PCDHA10: variants seen among roughly 807,000 people sequenced by gnomAD.
PCDHA10 encodes protocadherin alpha 10, also known as protocadherin alpha-10.
In PCDHA10, 45 loss-of-function variants were observed where a neutral mutation model predicts 61.2. That is an observed-to-expected ratio of 0.74 (90% CI 0.58 to 0.94). The LOEUF (loss-of-function observed/expected upper bound fraction) is 0.94. Ranked by LOEUF, PCDHA10 falls within the 40% of genes least tolerant of loss-of-function variation. PCDHA10 has a pLI of 0.00. For missense variants in PCDHA10, 1,278 were observed against 1,236.2 expected (o/e 1.03, Z -0.51); for synonymous variants, 602 against 548.8 (o/e 1.10, Z -1.35).
chr5:140,861,396 C>T, intron 1 of PCDHA10: 1 of 455,520 alleles, frequency 2.2e-6, no homozygotes, highest in Non-Finnish European at 4.5e-6. Context: ...GGGTCTGGAG[C>T]TTGTGGAGCT....
chr5:140,870,386 A>G (rs1209102528), intron 1 of PCDHA10: 1 of 1,614,082 alleles, frequency 6.2e-7, no homozygotes, highest in Middle Eastern at 1.6e-4. Flanking sequence ...ACTGCGCGGG[A>G]TGGGGGTTCG....
intron 1 of PCDHA10, among the ~76,000 whole-genome samples, chr5:140,965,644 G>A (rs201197561): frequency 6.6e-6 from 1 of 152,028 alleles, no homozygotes; most frequent in African/African-American, 2.4e-5. Flanking sequence ...AATTACTCTT[G>A]AAAGAAAATG....
intron 1 of PCDHA10, chr5:140,869,166 C>A: frequency 6.2e-7 from 1 of 1,613,866 alleles, no homozygotes; most frequent in South Asian, 1.1e-5. Context: ...TTCTCCTCCT[C>A]GAATTCTGGG....
intron 1 of PCDHA10, among the ~76,000 whole-genome samples, chr5:140,943,845 C>T (rs59104695): frequency 0.056 from 8,479 of 152,194 alleles, 700 homozygotes; most frequent in African/African-American, 0.18. Flanking sequence ...TGTAAGATGT[C>T]ACAGAAGTCA....
intron 3 of PCDHA10, among the ~76,000 whole-genome samples, chr5:141,006,808 A>T (rs576819521): frequency 1.3e-5 from 2 of 152,322 alleles, no homozygotes; most frequent in East Asian, 3.9e-4. Flanking sequence ...TTCTGGCTTG[A>T]GAAATGGGGT....
rs1554150517 is a variant in PCDHA10, at chr5:140,857,682, G to T, written c.1634G>T (p.Gly545Val). ...CGCGATGGGGGCGTGCCGCCTCTGG[G>T]CAGCAACTTGACGCTGCAGGTGTTC... ...SARDGGVPPL[G>V]SNLTLQVFVL... Residue 545 changes from glycine (G) to valine (V), a missense_variant, in exon 1 of 4, where the codon GGC becomes GTC. Coordinates refer to ENST00000307360, the MANE Select transcript of PCDHA10 (RefSeq NM_018901.4). 4 of 1,596,980 alleles carry T rather than the reference G, an allele frequency of 2.5e-6. No homozygotes were observed. The highest frequency in any genetic ancestry group is 1.8e-4 in the Middle Eastern group (1 of 5,420).
At chr5:140,883,329 C>T (rs1554177701) in intron 1 of PCDHA10, 1 of 1,614,166 alleles carries the variant, frequency 6.2e-7, no homozygotes. Context: ...ACCATCACTT[C>T]TTTGTCACTC....
chr5:140,867,596 G>C (rs1388910756), intron 1 of PCDHA10: 2 of 152,076 alleles, frequency 1.3e-5, no homozygotes, highest in African/African-American at 2.4e-5. Context: ...TTAGATTGGA[G>C]ATAAACCATC....
At chr5:140,920,930 T>C (rs1286502333) in intron 1 of PCDHA10, among the ~76,000 whole-genome samples, 1 of 151,962 alleles carries the variant, frequency 6.6e-6, no homozygotes, top group Non-Finnish European at 1.5e-5. Flanking sequence ...GTAGGTGATC[T>C]AGCCCTTTCA....
chr5:140,981,694 A>C (rs1407083166), intron 2 of PCDHA10, among the ~76,000 whole-genome samples: 1 of 151,154 alleles, frequency 6.6e-6, no homozygotes, highest in Non-Finnish European at 1.5e-5. Context: ...TCCATCATTC[A>C]TTCATTCATT....
At chr5:140,947,086 CTG>C (rs1554218047) in intron 1 of PCDHA10, among the ~76,000 whole-genome samples, 1 of 151,518 alleles carries the variant, frequency 6.6e-6, no homozygotes, top group African/African-American at 2.4e-5. Context: ...AAACATCAGA[CTG>C]TAGCCCATAA....
At chr5:140,869,038 C>A in intron 1 of PCDHA10, 1 of 1,528,506 alleles carries the variant, frequency 6.5e-7, no homozygotes, top group South Asian at 1.3e-5. Context: ...GATTTTTAAC[C>A]TGAAACTGAA....
chr5:140,892,608 TA>T (rs1442553538), intron 1 of PCDHA10, among the ~76,000 whole-genome samples: 2 of 152,184 alleles, frequency 1.3e-5, no homozygotes, highest in African/African-American at 4.8e-5. Flanking sequence ...TTTTTCCTTT[TA>T]TTTCCAGTTG....
chr5:140,976,679 G>A (rs1314378983), intron 1 of PCDHA10, among the ~76,000 whole-genome samples: 2 of 152,086 alleles, frequency 1.3e-5, no homozygotes, highest in African/African-American at 4.8e-5. Flanking sequence ...TCTCATTTTT[G>A]CAATTTAAGT....
rs966554278 is a variant in PCDHA10 at position 140,906,071 on chromosome 5, G to A, written c.2388+47635G>A. On this transcript the variant is annotated intron_variant, in intron 1 of 3. Coordinates refer to ENST00000307360, the MANE Select transcript of PCDHA10 (RefSeq NM_018901.4). ...GGCTGCACTGGCAGCTGATTAGATCGCACCCACCCAGACTGAGAGTAAGTG... is the reference window on the plus strand; with the variant it reads ...GGCTGCACTGGCAGCTGATTAGATCACACCCACCCAGACTGAGAGTAAGTG... 9.2e-5 allele frequency among the ~76,000 whole-genome samples: 14 copies of A among 152,200 alleles called. 1 individual carries two copies. The highest frequency in any genetic ancestry group is 3.9e-4 in the Admixed American group (6 of 15,286).
chr5:140,911,687 G>A (rs1554194873), intron 1 of PCDHA10, among the ~76,000 whole-genome samples: 1 of 152,166 alleles, frequency 6.6e-6, no homozygotes, highest in Non-Finnish European at 1.5e-5. Context: ...CGTGCATCAG[G>A]AGTGTCAAAT....
At chr5:140,876,706 G>C in intron 1 of PCDHA10, 1 of 1,614,214 alleles carries the variant, frequency 6.2e-7, no homozygotes, top group South Asian at 1.1e-5. Context: ...GCTGGACAGC[G>C]CCCTGGACCG....
At chr5:140,959,583 A>G (rs529440681) in intron 1 of PCDHA10, among the ~76,000 whole-genome samples, 10 of 152,332 alleles carry the variant, frequency 6.6e-5, no homozygotes, top group Admixed American at 1.3e-4. Flanking sequence ...TTTCAATTCT[A>G]TCAGCCAAGT....
intron 1 of PCDHA10, among the ~76,000 whole-genome samples, chr5:140,958,528 G>T (rs961967514): frequency 4.6e-5 from 7 of 152,112 alleles, no homozygotes; most frequent in Non-Finnish European, 8.8e-5. Flanking sequence ...TATACTATGT[G>T]TACATTGATT....
Sources: allele counts gnomAD v4.1 joint callset (sites outside exome capture counted in the v4.1 genomes callset), GRCh38; gene constraint gnomAD v4.1.1; transcripts MANE v1.5; gene names NCBI Gene and HGNC (gene_info 2026-07-23, HGNC 2026-07-21).